The following GET1 variants were observed in gnomAD, a reference collection of about 807,000 sequenced individuals.
GET1 encodes the protein guided entry of tail-anchored proteins factor 1.
Under a neutral mutation model 22.6 loss-of-function variants are expected in GET1, and 20 were observed. That is an observed-to-expected ratio of 0.89 (90% CI 0.62 to 1.29). The LOEUF is 1.29. Among genes scored for constraint, GET1 ranks in the 50% most tolerant of loss-of-function variants. GET1 has a pLI of 0.00. For synonymous variants in GET1, 92 were observed against 83.8 expected (o/e 1.10, Z -0.53); for missense variants, 209 against 219.9 (o/e 0.95, Z 0.31).
At chr21:39,410,277 G>C (rs138657594), downstream of GET1, 506 of 1,603,816 alleles carry the variant, frequency 3.2e-4, no homozygotes, top group Non-Finnish European at 4.1e-4. Context: ...AGTTGTCAAA[G>C]GTGGAACATC....
intron 1 of GET1, chr21:39,413,998 G>A (rs2040572006): frequency 6.6e-6 from 1 of 152,296 alleles, no homozygotes; most frequent in African/African-American, 2.4e-5. Context: ...TTGGAGCAGA[G>A]CTTCAGGTTG....
chr21:39,391,681 T>C, intron 2 of GET1, 88 bp from the exon 3 acceptor site: 4 of 1,283,604 alleles, frequency 3.1e-6, no homozygotes, highest in Non-Finnish European at 4.5e-6. Context: ...GAAAGTGTAT[T>C]ATAAGGGAAA....
At chr21:39,382,413 A>G (rs2037610004) in intron 1 of GET1, among the ~76,000 whole-genome samples, 1 of 152,128 alleles carries the variant, frequency 6.6e-6, no homozygotes, top group African/African-American at 2.4e-5. Context: ...TTAAACAACA[A>G]CTTTCCATTC....
At chr21:39,418,243 C>T (rs1179992601) in intron 1 of GET1, among the ~76,000 whole-genome samples, 2 of 152,136 alleles carry the variant, frequency 1.3e-5, no homozygotes, top group Non-Finnish European at 2.9e-5. Flanking sequence ...CACAGCCAAA[C>T]CATATCAAGG....
intron 1 of GET1, among the ~76,000 whole-genome samples, chr21:39,424,137 CG>C (rs2074234939): frequency 6.6e-6 from 1 of 152,018 alleles, no homozygotes; most frequent in Non-Finnish European, 1.5e-5. Context: ...CTCAGCCTCC[CG>C]AGTAGCTGGG....
In GET1 at chr21:39,382,049, A is replaced by C. The variant is rs2037584630; in HGVS notation, c.102+1563A>C. On this transcript the variant is annotated intron_variant, in intron 1 of 4. Coordinates refer to ENST00000649170, the MANE Select transcript of GET1 (RefSeq NM_004627.6). ...CCACTGCACGTGGCCCCGCTCCCAG[A>C]ACATTTTCTTTTTTTTTTTTTTTGA... Among the ~76,000 whole-genome samples, 5 of 150,734 alleles carry C rather than the reference A, an allele frequency of 3.3e-5. No homozygotes were observed. The South Asian group carries it at 1.0e-3, about 31-fold the overall frequency.
At chr21:39,420,695 A>G (rs752754076) in intron 1 of GET1, 1 of 1,604,296 alleles carries the variant, frequency 6.2e-7, no homozygotes. Flanking sequence ...ATTTTGTTTT[A>G]AAAGAAATAC....
chr21:39,427,938 C>T (rs1244902562), intron 1 of GET1: 2 of 331,240 alleles, frequency 6.0e-6, no homozygotes, highest in East Asian at 1.2e-4. Flanking sequence ...TAGTAGGCTC[C>T]AGTAGGGTAA....
chr21:39,398,018 G>A (rs1345802455), downstream of GET1: 1 of 152,174 alleles, frequency 6.6e-6, no homozygotes, highest in Non-Finnish European at 1.5e-5. Context: ...CATGCTGAAG[G>A]CCACCACAGC....
At chr21:39,406,591 T>G in exon 5 of GET1, 1 of 1,587,350 alleles carries the variant, frequency 6.3e-7, no homozygotes, top group Non-Finnish European at 8.5e-7. Flanking sequence ...GACTTCCAAA[T>G]GTTTCTCTTC....
intron 1 of GET1, among the ~76,000 whole-genome samples, chr21:39,384,098 A>G (rs1386287854): frequency 6.8e-6 from 1 of 146,228 alleles, no homozygotes. Context: ...GTCTCATTTT[A>G]GTTTTGATTT....
At chr21:39,420,976 G>T in intron 1 of GET1, 2 of 584,690 alleles carry the variant, frequency 3.4e-6, no homozygotes, top group Middle Eastern at 4.8e-4. Context: ...TTATACAGGG[G>T]ACATATATTG....
At chr21:39,390,961 G>T in intron 2 of GET1, 98 bp downstream of exon 2, 1 of 1,369,254 alleles carries the variant, frequency 7.3e-7, no homozygotes, top group Non-Finnish European at 9.9e-7. Flanking sequence ...CTTCTTGGAT[G>T]TTCTGAATAT....
At chr21:39,403,684 G>T (rs1015171345) in intron 4 of GET1, among the ~76,000 whole-genome samples, 5 of 149,202 alleles carry the variant, frequency 3.4e-5, no homozygotes, top group Admixed American at 6.7e-5. Context: ...TGCAGTGGCG[G>T]GATCTTGGCT....
downstream of GET1, among the ~76,000 whole-genome samples, chr21:39,398,977 C>G (rs887766035): frequency 6.8e-6 from 1 of 147,420 alleles, no homozygotes; most frequent in Non-Finnish European, 1.5e-5. Flanking sequence ...TGACCTCAGC[C>G]GATCCACCCG....
At chr21:39,400,183 C>T (rs989517752), downstream of GET1, among the ~76,000 whole-genome samples, 4 of 140,644 alleles carry the variant, frequency 2.8e-5, no homozygotes, top group Non-Finnish European at 3.1e-5. Flanking sequence ...TGTGTGTGCA[C>T]GCGCACGTGC....
intron 1 of GET1, among the ~76,000 whole-genome samples, chr21:39,416,180 G>A (rs956685204): frequency 1.3e-5 from 2 of 152,188 alleles, no homozygotes; most frequent in Non-Finnish European, 2.9e-5. Flanking sequence ...AGGTAAAAAT[G>A]TTTGCTTCTT....
At chr21:39,383,037 G>A (rs1002085771) in intron 1 of GET1, among the ~76,000 whole-genome samples, 1 of 151,466 alleles carries the variant, frequency 6.6e-6, no homozygotes, top group East Asian at 1.9e-4. Flanking sequence ...TGCAAGCTCC[G>A]CCTCCCGGGT....
At chr21:39,380,624 A>G in intron 1 of GET1, 138 bp downstream of exon 1, 1 of 1,460,558 alleles carries the variant, frequency 6.8e-7, no homozygotes, top group African/African-American at 1.4e-5. Flanking sequence ...AGCTTTTTTG[A>G]GATAGTTGTT....
Sources: gnomAD v4.1 joint callset for allele counts (sites outside exome capture counted in the v4.1 genomes callset) on GRCh38, gnomAD v4.1.1 for gene constraint, MANE v1.5 for transcripts, NCBI Gene and HGNC (gene_info 2026-07-23, HGNC 2026-07-21) for gene names.